SLC41A2: variants seen among roughly 807,000 people sequenced by gnomAD.
SLC41A2 encodes the protein SLC41A1-like 1.
A neutral mutation model predicts 58.3 loss-of-function variants in SLC41A2; 32 were observed. That is an observed-to-expected ratio of 0.55 (90% CI 0.41 to 0.74). SLC41A2 has a LOEUF of 0.74. Ranked by LOEUF, SLC41A2 falls within the 30% of genes least tolerant of loss-of-function variation. The pLI is 0.00. For missense variants in SLC41A2, 514 were observed against 680.6 expected (o/e 0.76, Z 2.72); for synonymous variants, 190 against 235.0 (o/e 0.81, Z 1.75).
chr12:104,948,384 T>TA (rs1011125765), intron 1 of SLC41A2, among the ~76,000 whole-genome samples: 59 of 152,218 alleles, frequency 3.9e-4, no homozygotes, highest in African/African-American at 1.4e-3. Context: ...CAGTAAGTCC[T>TA]AAAAAATATA....
intron 1 of SLC41A2, among the ~76,000 whole-genome samples, chr12:104,947,246 G>A (rs1267483702): frequency 2.5e-5 from 3 of 119,824 alleles, no homozygotes; most frequent in Admixed American, 1.1e-4. Context: ...TTCTGTCACC[G>A]AGGCTGGAGT....
intron 1 of SLC41A2, among the ~76,000 whole-genome samples, chr12:104,935,397 T>G (rs1420604443): frequency 1.4e-5 from 2 of 143,186 alleles, no homozygotes; most frequent in African/African-American, 5.1e-5. Context: ...GATGTATATG[T>G]TAGTTATCTT....
At chr12:104,820,801 C>T (rs1415270272) in intron 10 of SLC41A2, among the ~76,000 whole-genome samples, 2 of 152,084 alleles carry the variant, frequency 1.3e-5, no homozygotes, top group Non-Finnish European at 2.9e-5. Flanking sequence ...CGCCACCATG[C>T]CCAGCTAATT....
chr12:104,912,695 G>C (rs899206731), intron 2 of SLC41A2, among the ~76,000 whole-genome samples: 3 of 152,210 alleles, frequency 2.0e-5, no homozygotes, highest in African/African-American at 7.2e-5. Flanking sequence ...AGCCCGAAGA[G>C]GAGATCACCG....
At chr12:104,908,716 A>G (rs888845637) in intron 3 of SLC41A2, among the ~76,000 whole-genome samples, 11 of 152,222 alleles carry the variant, frequency 7.2e-5, no homozygotes, top group Non-Finnish European at 1.3e-4. Flanking sequence ...TAAGATAACA[A>G]TGTCCTTTTG....
Position 104,958,209 on chromosome 12 carries a change from G to T in SLC41A2, c.-289C>A, listed in dbSNP as rs1413077144. The T allele has an allele frequency of 6.6e-6, 1 of 151,554 alleles. No individual in the cohort carries two copies. Among genetic ancestry groups the T allele is most frequent in the Non-Finnish European group, 1.5e-5 (1 of 67,956 alleles). The allele number at this position is 151,554 out of a possible 1,614,324, so 9.4% of individuals were successfully genotyped here. On this transcript the variant is annotated 5_prime_UTR_variant, in exon 1 of 11. Transcript: ENST00000258538. Reference sequence around the variant, plus strand: ...ATTCACCTGGTGCCCGGCACCGGTGGTGGCGGGGAGGACAGCGGCTCCCAG... The same window carrying T: ...ATTCACCTGGTGCCCGGCACCGGTGTTGGCGGGGAGGACAGCGGCTCCCAG...
chr12:104,809,604 T>C (rs2136196397), intron 10 of SLC41A2, among the ~76,000 whole-genome samples: 1 of 152,300 alleles, frequency 6.6e-6, no homozygotes, highest in African/African-American at 2.4e-5. Flanking sequence ...GGAGGAAGCA[T>C]GAAATATTAG....
chr12:104,860,206 G>A (rs2043156228), intron 8 of SLC41A2, among the ~76,000 whole-genome samples: 1 of 152,038 alleles, frequency 6.6e-6, no homozygotes, highest in African/African-American at 2.4e-5. Flanking sequence ...CATGGACACA[G>A]GGAGAACATC....
At chr12:104,846,072 A>G in intron 8 of SLC41A2, 98 bp from the exon 9 acceptor site, 1 of 1,153,456 alleles carries the variant, frequency 8.7e-7, no homozygotes, top group Non-Finnish European at 1.2e-6. Flanking sequence ...ATTCTGGGCC[A>G]ATAAAACAAA....
intron 2 of SLC41A2, among the ~76,000 whole-genome samples, chr12:104,912,579 C>T (rs952744775): frequency 6.6e-6 from 1 of 152,140 alleles, no homozygotes; most frequent in Non-Finnish European, 1.5e-5. Flanking sequence ...CCCCATACCT[C>T]GCCCTACATA....
chr12:104,865,192 C>A (rs2043379698), intron 7 of SLC41A2, among the ~76,000 whole-genome samples: 2 of 152,182 alleles, frequency 1.3e-5, no homozygotes, highest in Non-Finnish European at 2.9e-5. Context: ...GGGTAAAAGG[C>A]TGTCTCTCAG....
intron 10 of SLC41A2, among the ~76,000 whole-genome samples, chr12:104,812,692 C>T (rs181999345): frequency 6.6e-6 from 1 of 151,892 alleles, no homozygotes; most frequent in Admixed American, 6.6e-5. Context: ...AGAGAAGGTT[C>T]CAGGATGACA....
At chr12:104,892,316 T>A (rs539450614) in intron 4 of SLC41A2, among the ~76,000 whole-genome samples, 2,247 of 117,000 alleles carry the variant, frequency 0.019, 148 homozygotes, top group African/African-American at 0.067. Flanking sequence ...TAAAATAAAA[T>A]AAAATAAAAT....
chr12:104,823,394 C>T (rs550795164), intron 10 of SLC41A2, among the ~76,000 whole-genome samples: 39 of 152,042 alleles, frequency 2.6e-4, no homozygotes, highest in African/African-American at 8.0e-4. Context: ...CAAGTTAAGG[C>T]TCAAAAGAAA....
intron 10 of SLC41A2, among the ~76,000 whole-genome samples, chr12:104,809,383 A>C (rs1367469544): frequency 6.9e-6 from 1 of 145,288 alleles, no homozygotes; most frequent in African/African-American, 2.5e-5. Flanking sequence ...TAACACCTTT[A>C]CCAGGAAGGA....
intron 6 of SLC41A2, among the ~76,000 whole-genome samples, chr12:104,869,725 T>C (rs1456187118): frequency 6.6e-6 from 1 of 152,164 alleles, no homozygotes; most frequent in East Asian, 1.9e-4. Flanking sequence ...CTAATCCAAT[T>C]TTGATAGGTA....
chr12:104,904,977 T>G, intron 3 of SLC41A2, among the ~76,000 whole-genome samples: 1 of 152,122 alleles, frequency 6.6e-6, no homozygotes, highest in Non-Finnish European at 1.5e-5. Flanking sequence ...TTTTATTCTC[T>G]TATCTGGCCC....
chr12:104,920,960 A>T (rs145099573), intron 2 of SLC41A2, among the ~76,000 whole-genome samples: 19 of 151,406 alleles, frequency 1.3e-4, no homozygotes, highest in East Asian at 7.9e-4. Context: ...ATAATAATAA[A>T]AAATTAGCTG....
intron 1 of SLC41A2, among the ~76,000 whole-genome samples, chr12:104,929,871 T>C (rs571867386): frequency 1.8e-4 from 28 of 152,360 alleles, no homozygotes; most frequent in Middle Eastern, 3.4e-3. Context: ...TCCTCAGTAT[T>C]TGTTTCCAAT....
Sources: allele counts gnomAD v4.1 joint callset (sites outside exome capture counted in the v4.1 genomes callset), GRCh38; gene constraint gnomAD v4.1.1; transcripts MANE v1.5; gene names NCBI Gene and HGNC (gene_info 2026-07-23, HGNC 2026-07-21).